The following RERE variants were observed in gnomAD, a reference collection of about 807,000 sequenced individuals.
The protein encoded by RERE is arginine-glutamic acid dipeptide repeats protein.
RERE carries 40 observed loss-of-function variants against 146.1 expected under a neutral mutation model. The observed-to-expected ratio is 0.27, with a 90% CI of 0.21 to 0.36. RERE has a LOEUF of 0.36. Ranked by LOEUF, RERE falls within the 10% of genes least tolerant of loss-of-function variation. RERE has a pLI of 1.00. For synonymous variants in RERE, 1,003 were observed against 866.0 expected (o/e 1.16, Z -2.78); for missense variants, 1,933 against 2,138.7 (o/e 0.90, Z 1.90).
chr1:8,459,929 A>G (rs1025718594), intron 11 of RERE, among the ~76,000 whole-genome samples: 3 of 152,228 alleles, frequency 2.0e-5, no homozygotes, highest in Non-Finnish European at 2.9e-5. Flanking sequence ...TAAAATAAAT[A>G]TAACTAACCC....
At chr1:8,691,743 C>T (rs757970021) in intron 1 of RERE, among the ~76,000 whole-genome samples, 7 of 152,190 alleles carry the variant, frequency 4.6e-5, no homozygotes, top group Non-Finnish European at 1.0e-4. Context: ...AGAGCCTATC[C>T]AAATCATCTT....
intron 12 of RERE, among the ~76,000 whole-genome samples, chr1:8,404,581 CCTACGTTTTTAAAAGCAGAGTGT>C (rs1472857822): frequency 1.3e-5 from 2 of 152,174 alleles, no homozygotes; most frequent in Non-Finnish European, 2.9e-5. Context: ...TTCAAATCAC[CCTACGTTTTTAAAAGCAGAGTGT>C]CCCACAGATT....
At chr1:8,637,195 C>T (rs1308301202) in intron 2 of RERE, among the ~76,000 whole-genome samples, 2 of 152,068 alleles carry the variant, frequency 1.3e-5, no homozygotes, top group African/African-American at 4.8e-5. Flanking sequence ...GAATCAACCC[C>T]TAGCAGCAGA....
chr1:8,809,894 A>G (rs1641770822), intron 1 of RERE, among the ~76,000 whole-genome samples: 1 of 152,248 alleles, frequency 6.6e-6, no homozygotes, highest in African/African-American at 2.4e-5. Context: ...AGGTTATAAC[A>G]AGAACTGAAG....
chr1:8,716,581 T>C (rs1017112883), intron 1 of RERE, among the ~76,000 whole-genome samples: 1 of 151,770 alleles, frequency 6.6e-6, no homozygotes, highest in Non-Finnish European at 1.5e-5. Flanking sequence ...GAAGTGAAAC[T>C]CAAGGATGGG....
Position 8,364,274 on chromosome 1 carries a change from G to A in RERE, c.1541-19C>T, listed in dbSNP as rs761742462. 6.2e-7 allele frequency: 1 copy of A among 1,611,178 alleles called. No homozygotes were observed. Among genetic ancestry groups the A allele is most frequent in the South Asian group, 1.1e-5 (1 of 91,016 alleles). On this transcript the variant is annotated intron_variant, in intron 14 of 22. Coordinates refer to ENST00000400908, the MANE Select transcript of RERE (RefSeq NM_001042681.2). This position sits in a 1 kb window ranked among gnomAD's most constrained non-coding sequence, Gnocchi z 5.1. ...TTGGAGGCTGTGTGAGGGAAGTGGT[G>A]GGGGCCAACCTTGGAAACCATCCCT...
intron 6 of RERE, among the ~76,000 whole-genome samples, chr1:8,546,314 A>AT (rs929397782): frequency 2.0e-5 from 3 of 150,002 alleles, no homozygotes; most frequent in African/African-American, 7.3e-5. Flanking sequence ...AATAAATAAA[A>AT]ATATATATAT....
chr1:8,805,011 T>G (rs1557553403), intron 1 of RERE, among the ~76,000 whole-genome samples: 2 of 139,288 alleles, frequency 1.4e-5, no homozygotes, highest in East Asian at 4.0e-4. Flanking sequence ...GTTTTTGGTT[T>G]TTTTTTTTTT....
At chr1:8,594,742 A>G (rs1320661719) in intron 4 of RERE, among the ~76,000 whole-genome samples, 1 of 152,196 alleles carries the variant, frequency 6.6e-6, no homozygotes. Context: ...CATAAATAAG[A>G]CTTCTGAGAA....
At chr1:8,801,891 G>C (rs567798581) in intron 1 of RERE, among the ~76,000 whole-genome samples, 36 of 152,306 alleles carry the variant, frequency 2.4e-4, no homozygotes, top group African/African-American at 8.7e-4. Context: ...TGGGAAAAGT[G>C]AAGTTTACAT....
chr1:8,496,050 C>G (rs776766195), intron 9 of RERE, among the ~76,000 whole-genome samples: 2 of 150,564 alleles, frequency 1.3e-5, no homozygotes, highest in Non-Finnish European at 2.9e-5. Context: ...GTAGTCCTAG[C>G]TACTGGGGAG....
intron 13 of RERE, 126 bp downstream of exon 13, chr1:8,365,686 A>G: frequency 9.6e-7 from 1 of 1,041,746 alleles, no homozygotes; most frequent in Non-Finnish European, 1.4e-6. Context: ...TCACACATGC[A>G]CTGGAGCACG....
intron 4 of RERE, 41 bp from the exon 5 acceptor site, chr1:8,557,564 G>C (rs1646022229): frequency 7.2e-7 from 1 of 1,388,918 alleles, no homozygotes; most frequent in Admixed American, 1.7e-5. Context: ...CAGGATTTCA[G>C]GTGGCCACAA....
intron 1 of RERE, among the ~76,000 whole-genome samples, chr1:8,761,489 C>A (rs889318194): frequency 1.3e-5 from 2 of 152,150 alleles, no homozygotes; most frequent in African/African-American, 4.8e-5. Flanking sequence ...AGGTGTAATG[C>A]AAATTACCTA....
At chr1:8,362,132 T>C (rs1641604541) in intron 16 of RERE, among the ~76,000 whole-genome samples, 1 of 152,222 alleles carries the variant, frequency 6.6e-6, no homozygotes, top group South Asian at 2.1e-4. Flanking sequence ...TAGGCAGGAC[T>C]GTGATGGTTA....
chr1:8,690,707 C>A (rs115084253), intron 1 of RERE, among the ~76,000 whole-genome samples: 1 of 152,214 alleles, frequency 6.6e-6, no homozygotes, highest in Non-Finnish European at 1.5e-5. Flanking sequence ...GTCACACAGG[C>A]TACAAAGCCT....
At chr1:8,441,691 T>C (rs1432168241) in intron 11 of RERE, among the ~76,000 whole-genome samples, 1 of 152,218 alleles carries the variant, frequency 6.6e-6, no homozygotes, top group Non-Finnish European at 1.5e-5. Flanking sequence ...TGAGTGACAC[T>C]GTAACAAAAC....
intron 1 of RERE, chr1:8,703,056 TGCGGCCCGCTGGCG>T (rs1471584322): frequency 6.6e-6 from 1 of 151,966 alleles, no homozygotes; most frequent in Non-Finnish European, 1.5e-5. Context: ...GCCACTTGCC[TGCGGCCCGCTGGCG>T]GCGAGAGCTG....
At chr1:8,479,132 C>A (rs1570307063) in intron 10 of RERE, among the ~76,000 whole-genome samples, 1 of 152,070 alleles carries the variant, frequency 6.6e-6, no homozygotes, top group East Asian at 1.9e-4. Context: ...CACCTGTAAT[C>A]CCAGCACTTT....
Sources: allele counts gnomAD v4.1 joint callset (sites outside exome capture counted in the v4.1 genomes callset), GRCh38; gene constraint gnomAD v4.1.1; non-coding constraint Gnocchi (gnomAD v3.1); transcripts MANE v1.5; gene names NCBI Gene and HGNC (gene_info 2026-07-23, HGNC 2026-07-21).